The following ATP8A2 variants were observed in gnomAD, a reference collection of about 807,000 sequenced individuals.
The protein encoded by ATP8A2 is phospholipid-transporting ATPase IB.
In ATP8A2, 100 loss-of-function variants were observed where a neutral mutation model predicts 165.6. That is an observed-to-expected ratio of 0.60 (90% CI 0.51 to 0.71). The LOEUF is 0.71. ATP8A2 is among the 30% of genes least tolerant of loss of function. The pLI, the probability that ATP8A2 is intolerant of heterozygous loss-of-function variation, is 0.00. For synonymous variants in ATP8A2, 543 were observed against 548.8 expected (o/e 0.99, Z 0.15); for missense variants, 1,227 against 1,479.5 (o/e 0.83, Z 2.80).
chr13:25,577,248 A>T (rs1029754379), intron 20 of ATP8A2, 110 bp downstream of exon 20: 29 of 970,576 alleles, frequency 3.0e-5, no homozygotes, highest in Admixed American at 5.6e-5. Context: ...TCCAGAGTTG[A>T]AAGACTGTTT....
intron 27 of ATP8A2, among the ~76,000 whole-genome samples, chr13:25,784,658 T>A (rs760854245): frequency 6.6e-6 from 1 of 152,200 alleles, no homozygotes; most frequent in Non-Finnish European, 1.5e-5. Context: ...AAGTAGCATA[T>A]TATTTGTATT....
intron 7 of ATP8A2, 140 bp downstream of exon 7, chr13:25,538,201 C>T: frequency 1.7e-6 from 1 of 579,450 alleles, no homozygotes; most frequent in South Asian, 2.7e-5. Flanking sequence ...CTTGTCATTT[C>T]CCTTCTCCTG....
intron 26 of ATP8A2, among the ~76,000 whole-genome samples, chr13:25,771,544 G>A (rs1445786652): frequency 6.6e-6 from 1 of 152,176 alleles, no homozygotes; most frequent in African/African-American, 2.4e-5. Flanking sequence ...AACTGCATAG[G>A]AATAGGATGT....
At chr13:25,808,548 G>A (rs1384714450) in intron 27 of ATP8A2, among the ~76,000 whole-genome samples, 1 of 150,080 alleles carries the variant, frequency 6.7e-6, no homozygotes, top group Non-Finnish European at 1.5e-5. Context: ...GCAGTGAACC[G>A]ATATCATGCC....
intron 1 of ATP8A2, among the ~76,000 whole-genome samples, chr13:25,401,710 C>G (rs980398359): frequency 6.6e-6 from 1 of 151,876 alleles, no homozygotes; most frequent in Non-Finnish European, 1.5e-5. Context: ...CGGATGGTAC[C>G]GAAATCTATA....
intron 1 of ATP8A2, among the ~76,000 whole-genome samples, chr13:25,386,958 T>C (rs11149391): frequency 0.56 from 77,801 of 138,852 alleles, 23,920 homozygotes; most frequent in East Asian, 0.75. Context: ...GATCGCGCCC[T>C]TGCACTCCAG....
At chr13:25,769,476 G>A (rs187331535) in intron 26 of ATP8A2, among the ~76,000 whole-genome samples, 1 of 152,332 alleles carries the variant, frequency 6.6e-6, no homozygotes, top group East Asian at 1.9e-4. Context: ...CTGTGATCCA[G>A]GCAAGGTGCT....
chr13:25,458,908 A>G (rs1473630116), intron 1 of ATP8A2, among the ~76,000 whole-genome samples: 1 of 152,172 alleles, frequency 6.6e-6, no homozygotes, highest in East Asian at 1.9e-4. Context: ...GGTGGCAGAG[A>G]GAGCACAGCA....
intron 24 of ATP8A2, among the ~76,000 whole-genome samples, chr13:25,698,930 T>G (rs769773065): frequency 1.3e-5 from 2 of 152,102 alleles, no homozygotes; most frequent in African/African-American, 2.4e-5. Flanking sequence ...GTGTATGTAG[T>G]GTAAAGAAGT....
At chr13:25,645,268 T>G (rs1208141961) in intron 24 of ATP8A2, among the ~76,000 whole-genome samples, 1 of 152,126 alleles carries the variant, frequency 6.6e-6, no homozygotes, top group Non-Finnish European at 1.5e-5. Context: ...TCAGATCTTG[T>G]GAGACTATTC....
At chr13:25,632,676 G>T (rs528369907) in intron 24 of ATP8A2, among the ~76,000 whole-genome samples, 1 of 152,170 alleles carries the variant, frequency 6.6e-6, no homozygotes, top group Non-Finnish European at 1.5e-5. Context: ...GTAGCTCACT[G>T]GGTAGGATGG....
intron 25 of ATP8A2, among the ~76,000 whole-genome samples, chr13:25,707,079 A>G (rs1414822912): frequency 6.6e-6 from 1 of 152,204 alleles, no homozygotes; most frequent in Admixed American, 6.6e-5. Context: ...TAATTTCTCT[A>G]GAATAAAACT....
chr13:25,526,613 A>G (rs1426779161), intron 2 of ATP8A2, among the ~76,000 whole-genome samples: 1 of 152,180 alleles, frequency 6.6e-6, no homozygotes, highest in African/African-American at 2.4e-5. Context: ...GCCAAAGGGG[A>G]TAGCCTAGCA....
At chr13:25,851,148 A>G (rs1157812215) in intron 30 of ATP8A2, among the ~76,000 whole-genome samples, 1 of 152,234 alleles carries the variant, frequency 6.6e-6, no homozygotes, top group Non-Finnish European at 1.5e-5. Context: ...CTAAAATGCA[A>G]TGCTGAGTTA....
intron 34 of ATP8A2, among the ~76,000 whole-genome samples, chr13:25,966,366 T>C (rs1273647769): frequency 1.3e-5 from 2 of 152,194 alleles, no homozygotes; most frequent in African/African-American, 4.8e-5. Context: ...ACAACTGACT[T>C]TATAACCTAT....
intron 1 of ATP8A2, among the ~76,000 whole-genome samples, chr13:25,439,907 TA>T (rs11312275): frequency 0.48 from 70,705 of 146,962 alleles, 16,636 homozygotes; most frequent in East Asian, 0.6. Flanking sequence ...ACCCTGTCTA[TA>T]AAAAAAAAAA....
chr13:25,534,164 A>T (rs1159631476), intron 6 of ATP8A2: 2 of 532,000 alleles, frequency 3.8e-6, no homozygotes, highest in South Asian at 1.4e-5. Flanking sequence ...TTTTCGTTTT[A>T]CTTTACTTTG....
chr13:25,465,719 C>CTTTCTTTCT (rs1555274907), intron 1 of ATP8A2, among the ~76,000 whole-genome samples: 20 of 40,300 alleles, frequency 5.0e-4, no homozygotes, highest in Non-Finnish European at 7.5e-4. Flanking sequence ...TTCTTTCTTT[C>CTTTCTTTCT]TTTCTTTCTT....
In ATP8A2 at chr13:25,862,200, G is replaced by C. The variant is rs187426756; in HGVS notation, c.3076-101G>C. On this transcript the variant is annotated intron_variant, in intron 32 of 36. Transcript: ENST00000381655. ...GTGAGTCATCAAAGTCTTTCCATAA[G>C]GAAAGGTAGCTTGGATGCAAGGATT... 1.0e-4 allele frequency: 77 copies of C among 763,036 alleles called. No individual in the cohort carries two copies. The African/African-American group carries it at 1.1e-3, about 11-fold the overall frequency. 47.3% of individuals were successfully genotyped at this position (763,036 alleles called of 1,614,324 possible).
Sources: allele counts gnomAD v4.1 joint callset (sites outside exome capture counted in the v4.1 genomes callset), GRCh38; gene constraint gnomAD v4.1.1; transcripts MANE v1.5; gene names NCBI Gene and HGNC (gene_info 2026-07-23, HGNC 2026-07-21).